Variants in ADAM19 observed in about 807,000 individuals in gnomAD.
ADAM19 encodes disintegrin and metalloproteinase domain-containing protein 19.
ADAM19 carries 65 observed loss-of-function variants against 114.7 expected under a neutral mutation model. That is an observed-to-expected ratio of 0.57 (90% CI 0.46 to 0.70). ADAM19 has a LOEUF of 0.70. Ranked by LOEUF, ADAM19 falls within the 30% of genes least tolerant of loss-of-function variation. The pLI, the probability that ADAM19 is intolerant of heterozygous loss-of-function variation, is 0.00. For missense variants in ADAM19, 1,063 were observed against 1,204.7 expected (o/e 0.88, Z 1.74); for synonymous variants, 466 against 460.5 (o/e 1.01, Z -0.15).
Position 157,496,925 on chromosome 5 carries a change from G to A in ADAM19, c.1563C>T (p.Tyr521=). Reference sequence around the variant, plus strand: ...CCCACAGCTGCTGGCACTGCTCCTGGTAGGTGAGGCACATGCCGTTGTAGC... The same window carrying A: ...CCCACAGCTGCTGGCACTGCTCCTGATAGGTGAGGCACATGCCGTTGTAGC... ...AYCYNGMCLT[Y]QEQCQQLWGP... The change falls in exon 14 of 23, where the codon TAC becomes TAT. Residue 521 remains tyrosine (Y), a synonymous_variant. Transcript: ENST00000257527. 6.3e-7 allele frequency: 1 copy of A among 1,595,042 alleles called. No homozygotes were observed. Among genetic ancestry groups the A allele is most frequent in the Non-Finnish European group, 8.5e-7 (1 of 1,171,956 alleles).
At chr5:157,553,263 C>G (rs1757254310) in intron 3 of ADAM19, among the ~76,000 whole-genome samples, 1 of 152,082 alleles carries the variant, frequency 6.6e-6, no homozygotes, top group East Asian at 1.9e-4. Flanking sequence ...TTTCACATTG[C>G]ATGTTTGTAT....
chr5:157,509,381 T>C lies in ADAM19; in HGVS notation c.825A>G (p.Pro275=). 6.2e-7 allele frequency: 1 copy of C among 1,613,834 alleles called. No individual in the cohort carries two copies. The highest frequency in any genetic ancestry group is 1.1e-5 in the South Asian group (1 of 90,926). Residue 275 remains proline (P), a synonymous_variant, in exon 9 of 23, where the codon CCA becomes CCG. Coordinates refer to ENST00000257527, the MANE Select transcript of ADAM19 (RefSeq NM_033274.5). Reference sequence around the variant, plus strand: ...TGAGAAAGGACCAGAGGGTAGAATATGGATTCTCTGAAACTTCACACATGT... The same window carrying C: ...TGAGAAAGGACCAGAGGGTAGAATACGGATTCTCTGAAACTTCACACATGT... ...HGNMCEVSEN[P]YSTLWSFLSW... is the part of the protein sequence containing the mutation.
chr5:157,482,600 C>T (rs950669160), intron 21 of ADAM19, among the ~76,000 whole-genome samples: 2 of 152,116 alleles, frequency 1.3e-5, no homozygotes, highest in African/African-American at 4.8e-5. Context: ...GGAAGGGATC[C>T]AGTTTCAGCT....
intron 4 of ADAM19, among the ~76,000 whole-genome samples, chr5:157,531,333 AT>A (rs1350716653): frequency 6.6e-6 from 1 of 152,190 alleles, no homozygotes; most frequent in Non-Finnish European, 1.5e-5. Flanking sequence ...AATGTGATTT[AT>A]TTGGAAATAG....
chr5:157,509,875 G>C (rs973079437), intron 8 of ADAM19, among the ~76,000 whole-genome samples: 3 of 152,192 alleles, frequency 2.0e-5, no homozygotes, highest in Admixed American at 6.5e-5. Flanking sequence ...AGGTCAATAG[G>C]TAAAACAGAC....
At chr5:157,569,984 C>T (rs542524822) in intron 2 of ADAM19, among the ~76,000 whole-genome samples, 1 of 152,288 alleles carries the variant, frequency 6.6e-6, no homozygotes, top group South Asian at 2.1e-4. Flanking sequence ...CCACAGTGGG[C>T]CACAGTGGCT....
At chr5:157,497,590 C>CACACAT (rs1554079231) in intron 13 of ADAM19, among the ~76,000 whole-genome samples, 24 of 151,472 alleles carry the variant, frequency 1.6e-4, no homozygotes, top group African/African-American at 5.6e-4. Context: ...CACACACACA[C>CACACAT]ACACACACAA....
In ADAM19 at chr5:157,481,607, T is replaced by A. The variant is rs374108235; in HGVS notation, c.2703+184A>T. On this transcript the variant is annotated intron_variant, in intron 22 of 22. Coordinates refer to ENST00000257527, the MANE Select transcript of ADAM19 (RefSeq NM_033274.5). ...AGGATTCTAAGAATCACCTTTCACA[T>A]GAAGCCAAAACTCCACAGTCAAGCG... 33 of 1,537,738 alleles carry A rather than the reference T, an allele frequency of 2.1e-5. No individual in the cohort carries two copies. In the African/African-American group the frequency reaches 4.3e-4, roughly 20 times the overall value.
intron 7 of ADAM19, among the ~76,000 whole-genome samples, chr5:157,515,892 G>A (rs1038158156): frequency 6.6e-6 from 1 of 152,132 alleles, no homozygotes; most frequent in Non-Finnish European, 1.5e-5. Context: ...CACCCTAGAA[G>A]CTCCCACCTA....
chr5:157,545,929 T>TG (rs1353638812), intron 3 of ADAM19, among the ~76,000 whole-genome samples: 3 of 152,238 alleles, frequency 2.0e-5, no homozygotes, highest in Non-Finnish European at 4.4e-5. Context: ...CACTATTTGC[T>TG]GGGGGTCCTT....
chr5:157,567,173 G>A (rs1341610261), intron 2 of ADAM19, among the ~76,000 whole-genome samples: 1 of 152,148 alleles, frequency 6.6e-6, no homozygotes, highest in African/African-American at 2.4e-5. Context: ...TAGGATTTGG[G>A]CATTTCTGAG....
At chr5:157,520,542 T>A (rs1756255783) in intron 5 of ADAM19, among the ~76,000 whole-genome samples, 1 of 152,194 alleles carries the variant, frequency 6.6e-6, no homozygotes. Context: ...TGACCGAGGT[T>A]CTGGATTTAG....
rs767219173 is a variant in ADAM19, at chr5:157,491,686, C to T, written c.2024G>A (p.Gly675Asp). Reference sequence around the variant, plus strand: ...TGTGTTGCAGAAGGGCGGGGCCCAGCCCGGCAGGCAGTGGCAGTTCTGGTT... The same window carrying T: ...TGTGTTGCAGAAGGGCGGGGCCCAGTCCGGCAGGCAGTGGCAGTTCTGGTT... ...NNNQNCHCLP[G>D]WAPPFCNTPG... The change falls in exon 18 of 23, where the codon GGC becomes GAC. Residue 675 changes from glycine (G) to aspartate (D), a missense_variant. Physicochemically the swap from Gly to Asp is moderately conservative, Grantham distance 94 (BLOSUM62 -1). Coordinates refer to ENST00000257527, the MANE Select transcript of ADAM19 (RefSeq NM_033274.5). 1.0e-5 allele frequency: 16 copies of T among 1,582,860 alleles called. No homozygotes were observed. The highest frequency in any genetic ancestry group is 1.3e-5 in the African/African-American group (1 of 74,302).
intron 6 of ADAM19, 48 bp downstream of exon 6, chr5:157,519,791 C>T (rs951048274): frequency 1.9e-5 from 29 of 1,539,452 alleles, no homozygotes; most frequent in Non-Finnish European, 2.5e-5. Context: ...TCAGAGGGGA[C>T]AAGCCTGTCC....
intron 3 of ADAM19, among the ~76,000 whole-genome samples, chr5:157,557,135 TG>T (rs1298342503): frequency 6.6e-6 from 1 of 152,194 alleles, no homozygotes; most frequent in Non-Finnish European, 1.5e-5. Flanking sequence ...CTCGAACTCC[TG>T]GGCTCGCGTG....
At chr5:157,517,173 A>G (rs1756116610) in intron 7 of ADAM19, among the ~76,000 whole-genome samples, 2 of 152,172 alleles carry the variant, frequency 1.3e-5, no homozygotes, top group Non-Finnish European at 2.9e-5. Flanking sequence ...TCTGGCCTGC[A>G]GCCTAGTGCT....
chr5:157,522,682 A>G (rs1221013899), intron 5 of ADAM19, among the ~76,000 whole-genome samples: 1 of 152,186 alleles, frequency 6.6e-6, no homozygotes, highest in Non-Finnish European at 1.5e-5. Context: ...GCTACTCAGG[A>G]GGCTGAGGCA....
chr5:157,481,658 C>T (rs373954530), intron 22 of ADAM19, 133 bp downstream of exon 22: 26 of 1,551,640 alleles, frequency 1.7e-5, no homozygotes, highest in South Asian at 7.1e-5. Context: ...GAATGTTTTG[C>T]CCTTGGCTTT....
At chr5:157,509,866 G>A (rs1179569400) in intron 8 of ADAM19, among the ~76,000 whole-genome samples, 4 of 152,204 alleles carry the variant, frequency 2.6e-5, no homozygotes, top group Admixed American at 2.6e-4. Flanking sequence ...GTAGGGCTTA[G>A]GTCAATAGGT....
Sources: gnomAD v4.1 joint callset for allele counts (sites outside exome capture counted in the v4.1 genomes callset) on GRCh38, gnomAD v4.1.1 for gene constraint, MANE v1.5 for transcripts, NCBI Gene and HGNC (gene_info 2026-07-23, HGNC 2026-07-21) for gene names.